WWOX: variants seen among roughly 807,000 people sequenced by gnomAD.
WWOX encodes WW domain containing oxidoreductase.
Under a neutral mutation model 46.2 loss-of-function variants are expected in WWOX, and 69 were observed. The ratio of observed to expected loss-of-function variants is 1.49; its 90% confidence interval spans 1.23 to 1.82. The LOEUF is 1.82. WWOX is among the 40% of genes most tolerant of loss of function. The pLI is 0.00. For synonymous variants in WWOX, 359 were observed against 202.6 expected (o/e 1.77, Z -6.56); for missense variants, 919 against 542.6 (o/e 1.69, Z -6.89).
intron 8 of WWOX, among the ~76,000 whole-genome samples, chr16:78,995,160 G>A (rs1295398535): frequency 7.2e-5 from 11 of 152,004 alleles, no homozygotes; most frequent in Admixed American, 5.2e-4. Context: ...TGGCTGGGAA[G>A]TAGCAAAAGT....
At chr16:78,813,275 C>G (rs963262380) in intron 8 of WWOX, among the ~76,000 whole-genome samples, 1 of 151,490 alleles carries the variant, frequency 6.6e-6, no homozygotes, top group African/African-American at 2.4e-5. Flanking sequence ...TTTTTTTTCC[C>G]CTTAATTTCC....
At chr16:78,438,337 G>T (rs932855242) in intron 8 of WWOX, among the ~76,000 whole-genome samples, 3 of 152,056 alleles carry the variant, frequency 2.0e-5, no homozygotes, top group African/African-American at 7.2e-5. Flanking sequence ...AGCTGCATTT[G>T]CTTTGTCCAA....
At chr16:78,724,178 C>A (rs1021076883) in intron 8 of WWOX, among the ~76,000 whole-genome samples, 1 of 152,172 alleles carries the variant, frequency 6.6e-6, no homozygotes, top group Non-Finnish European at 1.5e-5. Flanking sequence ...TATCTCACTC[C>A]GTCATTTATA....
intron 8 of WWOX, among the ~76,000 whole-genome samples, chr16:79,187,461 C>T (rs1010733131): frequency 1.3e-5 from 2 of 152,162 alleles, no homozygotes; most frequent in African/African-American, 2.4e-5. Context: ...AGTGCAGCGG[C>T]GTGATCTCTG....
intron 8 of WWOX, among the ~76,000 whole-genome samples, chr16:78,492,785 T>C (rs1653180938): frequency 6.6e-6 from 1 of 152,214 alleles, no homozygotes; most frequent in Admixed American, 6.5e-5. Flanking sequence ...GTGTTTGTTT[T>C]CCACCATTTG....
At chr16:78,175,299 C>G (rs191975983) in intron 5 of WWOX, among the ~76,000 whole-genome samples, 6 of 152,064 alleles carry the variant, frequency 3.9e-5, no homozygotes, top group African/African-American at 1.4e-4. Flanking sequence ...TCTGAAGACC[C>G]TGTAAAAGGA....
chr16:79,128,235 T>C (rs551324944), intron 8 of WWOX, among the ~76,000 whole-genome samples: 174 of 152,286 alleles, frequency 1.1e-3, no homozygotes, highest in African/African-American at 4.1e-3. Context: ...GCAATGTCAC[T>C]TACTCCTGAT....
intron 6 of WWOX, among the ~76,000 whole-genome samples, chr16:78,393,668 C>T (rs2082224702): frequency 6.6e-6 from 1 of 152,202 alleles, no homozygotes; most frequent in South Asian, 2.1e-4. Context: ...TTGATTCTTC[C>T]TGGAATTGAT....
chr16:78,475,277 T>G (rs2084325866), intron 8 of WWOX, among the ~76,000 whole-genome samples: 1 of 152,220 alleles, frequency 6.6e-6, no homozygotes, highest in Non-Finnish European at 1.5e-5. Context: ...CTCCTCCCTG[T>G]GTATTGAGAG....
intron 5 of WWOX, among the ~76,000 whole-genome samples, chr16:78,170,567 A>G (rs936838575): frequency 2.0e-5 from 3 of 152,204 alleles, no homozygotes; most frequent in Admixed American, 1.3e-4. Flanking sequence ...TGGAGTTGCA[A>G]TGAATTCTTT....
chr16:78,591,176 C>T (rs1291698802), intron 8 of WWOX, among the ~76,000 whole-genome samples: 2 of 152,202 alleles, frequency 1.3e-5, no homozygotes, highest in Non-Finnish European at 2.9e-5. Context: ...ATGGTTTTAG[C>T]ACTTCCAGAC....
chr16:78,255,747 C>T (rs1376501841), intron 5 of WWOX, among the ~76,000 whole-genome samples: 4 of 152,122 alleles, frequency 2.6e-5, no homozygotes, highest in Non-Finnish European at 5.9e-5. Context: ...CCACAATAGC[C>T]AGACATTTTT....
At position 78,670,602 on chromosome 16, in the gene WWOX, C is replaced by T. The variant is rs1040417453; in HGVS notation, c.1056+237850C>T. Among the ~76,000 whole-genome samples the T allele has an allele frequency of 1.4e-4, 21 of 152,098 alleles. No homozygotes were observed. The East Asian group carries it at 3.9e-3, about 28-fold the overall frequency. ...GGTTGCTGTACTAGATGAATAATGT[C>T]CCCCCAAATTCGTGTCTATCTGGAA... On this transcript the variant is annotated intron_variant, in intron 8 of 8. Coordinates refer to ENST00000566780, the MANE Select transcript of WWOX (RefSeq NM_016373.4).
intron 8 of WWOX, among the ~76,000 whole-genome samples, chr16:78,587,687 G>C (rs1465327897): frequency 2.0e-5 from 3 of 152,126 alleles, no homozygotes; most frequent in African/African-American, 7.2e-5. Flanking sequence ...ACCCAGATAG[G>C]GAGGTGCTTG....
At chr16:78,922,658 C>G (rs553702631) in intron 8 of WWOX, among the ~76,000 whole-genome samples, 1 of 152,220 alleles carries the variant, frequency 6.6e-6, no homozygotes, top group East Asian at 1.9e-4. Flanking sequence ...GGATTACAGG[C>G]GTGAGCCACG....
intron 8 of WWOX, among the ~76,000 whole-genome samples, chr16:79,111,382 A>G (rs1248241801): frequency 2.6e-5 from 4 of 152,166 alleles, no homozygotes; most frequent in Non-Finnish European, 4.4e-5. Context: ...CTTTGCAGCA[A>G]TTCCTTTTTC....
chr16:78,866,949 C>T (rs186591965), intron 8 of WWOX, among the ~76,000 whole-genome samples: 1 of 152,292 alleles, frequency 6.6e-6, no homozygotes. Context: ...CCCTTGCCAC[C>T]AGCTGCATAA....
At chr16:78,652,022 G>T (rs905990963) in intron 8 of WWOX, among the ~76,000 whole-genome samples, 1 of 152,054 alleles carries the variant, frequency 6.6e-6, no homozygotes, top group African/African-American at 2.4e-5. Flanking sequence ...TGTATTATTG[G>T]CATTCCTAGG....
chr16:78,796,007 T>C (rs2050726396), intron 8 of WWOX, among the ~76,000 whole-genome samples: 1 of 152,186 alleles, frequency 6.6e-6, no homozygotes, highest in Non-Finnish European at 1.5e-5. Flanking sequence ...TTAAATATCC[T>C]AAGACCCACT....
Sources: allele counts gnomAD v4.1 joint callset (sites outside exome capture counted in the v4.1 genomes callset), GRCh38; gene constraint gnomAD v4.1.1; transcripts MANE v1.5; gene names NCBI Gene and HGNC (gene_info 2026-07-23, HGNC 2026-07-21).